The following L3MBTL1 variants were observed in gnomAD, a reference collection of about 807,000 sequenced individuals.
The protein encoded by L3MBTL1 is L3MBTL histone methyl-lysine binding protein 1.
In L3MBTL1, 75 loss-of-function variants were observed where a neutral mutation model predicts 105.3. The ratio of observed to expected loss-of-function variants is 0.71; its 90% CI spans 0.59 to 0.86. The LOEUF (loss-of-function observed/expected upper bound fraction) is 0.86, where lower values mean the gene tolerates loss of function less well. Ranked by LOEUF, L3MBTL1 falls within the 40% of genes least tolerant of loss-of-function variation. L3MBTL1 has a pLI of 0.00. For synonymous variants in L3MBTL1, 452 were observed against 436.2 expected (o/e 1.04, Z -0.45); for missense variants, 1,069 against 1,126.4 (o/e 0.95, Z 0.73).
At position 43,514,660 on chromosome 20, in the gene L3MBTL1, T is replaced by A. The variant is rs1428653395; in HGVS notation, c.386T>A (p.Leu129Gln). Residue 129 changes from leucine to glutamine, a missense_variant, in exon 4 of 22, where the codon CTG (leucine) becomes CAG (glutamine). Leu to Gln is a moderately radical substitution (Grantham distance 113). Transcript: ENST00000418998. Reference protein sequence around the residue: ...LRFRISEYKPLNMAGVEQPPS... With the variant: ...LRFRISEYKPQNMAGVEQPPS... ...TTCCGGATAAGCGAGTATAAGCCGC[T>A]GAACATGGCGGGAGTGGAGCAGCCC... 1.3e-6 allele frequency: 2 copies of A among 1,596,090 alleles called. No individual in the cohort carries two copies. The highest frequency in any genetic ancestry group is 2.7e-5 in the African/African-American group (2 of 74,814).
chr20:43,545,357 T>A (rs1467416881), downstream of L3MBTL1, among the ~76,000 whole-genome samples: 6 of 145,076 alleles, frequency 4.1e-5, no homozygotes, highest in Non-Finnish European at 6.0e-5. Context: ...AGAGCAAGAC[T>A]CAGTCTTAAA....
chr20:43,518,650 T>C (rs1284496413), intron 7 of L3MBTL1, among the ~76,000 whole-genome samples: 2 of 151,976 alleles, frequency 1.3e-5, no homozygotes, highest in African/African-American at 4.8e-5. Context: ...AAACCATGGA[T>C]AGTACTGAAC....
rs760921426 is a variant in L3MBTL1, at chr20:43,536,094, C to A, written c.1926-3C>A. The A allele has an allele frequency of 6.2e-7, 1 of 1,612,832 alleles. No individual in the cohort carries two copies. Among genetic ancestry groups the A allele is most frequent in the Admixed American group, 1.7e-5 (1 of 60,012 alleles). ...AACCCAACTGAAGTCTCTTCTTCCC[C>A]AGGAAGTGCCCCACTCCTGGTTGCG... On this transcript the variant is annotated splice_polypyrimidine_tract_variant and splice_region_variant and intron_variant, in intron 17 of 21. Coordinates refer to ENST00000418998, the MANE Select transcript of L3MBTL1 (RefSeq NM_001377303.1).
chr20:43,513,545 G>C lies in L3MBTL1; in HGVS notation c.42G>C (p.Lys14Asn). The C allele has an allele frequency of 6.4e-7, 1 of 1,550,788 alleles. No individual in the cohort carries two copies. Among genetic ancestry groups the C allele is most frequent in the Non-Finnish European group, 8.7e-7 (1 of 1,147,024 alleles). The change falls in exon 2 of 22, where the codon AAG becomes AAC. Residue 14 changes from lysine (K) to asparagine (N), a missense_variant. By Grantham distance (94) the Lys-to-Asn change is moderately conservative. Coordinates refer to ENST00000418998, the MANE Select transcript of L3MBTL1 (RefSeq NM_001377303.1). The part of the protein sequence containing the change: ...HAEMEMLRTL[K>N]GPSTGEVSMH... The stretch of plus-strand genomic sequence containing the variant: ...AAATGGAGATGCTGAGGACACTGAA[G>C]GGGCCTTCCACAGGGGAGGTCAGCA...
In L3MBTL1 at chr20:43,516,074, T is replaced by A; in HGVS notation, c.778-19T>A. 1 of 1,595,196 alleles carries A rather than the reference T, an allele frequency of 6.3e-7. No individual in the cohort carries two copies. The highest frequency in any genetic ancestry group is 8.6e-7 in the Non-Finnish European group (1 of 1,163,114). ...AAACCATGAGGAGAAGAAGCTGGGA[T>A]CAGGCTTGCCTTCTACAGGAGAAGC... On this transcript the variant is annotated intron_variant, in intron 6 of 21. Coordinates refer to ENST00000418998, the MANE Select transcript of L3MBTL1 (RefSeq NM_001377303.1).
chr20:43,517,597 C>A (rs1003013545), intron 7 of L3MBTL1, among the ~76,000 whole-genome samples: 3 of 152,072 alleles, frequency 2.0e-5, no homozygotes, highest in Admixed American at 6.6e-5. Flanking sequence ...TCATTTTATC[C>A]CTGGTGCTTA....
At position 43,536,465 on chromosome 20, in the gene L3MBTL1, C is replaced by T. The variant is rs1432983671; in HGVS notation, c.2173+7C>T. ...CCGCAGGAAGATTTCCAGAGTAAGT[C>T]TGGGTTATCTGCTCCTATGTCCTCC... On this transcript the variant is annotated splice_region_variant and intron_variant, in intron 19 of 21. Transcript: ENST00000418998. 5 of 1,613,866 alleles carry T rather than the reference C, an allele frequency of 3.1e-6. No homozygotes were observed.
intron 7 of L3MBTL1, among the ~76,000 whole-genome samples, chr20:43,525,061 T>G (rs1210738114): frequency 6.7e-6 from 1 of 148,660 alleles, no homozygotes; most frequent in Non-Finnish European, 1.5e-5. Flanking sequence ...TGGATATAGA[T>G]CCAAGAGATA....
At chr20:43,539,858 A>G in intron 19 of L3MBTL1, 1 of 511,390 alleles carries the variant, frequency 2.0e-6, no homozygotes, top group East Asian at 3.6e-5. Context: ...CAGCAGCTCC[A>G]AGAGAGTATC....
intron 10 of L3MBTL1, 101 bp from the exon 11 acceptor site, chr20:43,530,697 A>G: frequency 9.1e-7 from 1 of 1,096,548 alleles, no homozygotes; most frequent in Non-Finnish European, 1.4e-6. Flanking sequence ...GGTTGGGGGG[A>G]GGTCCTCAGG....
exon 19 of L3MBTL1, chr20:43,548,777 C>T (rs1978797627): frequency 6.6e-6 from 1 of 152,428 alleles, no homozygotes; most frequent in African/African-American, 2.4e-5. Flanking sequence ...GTTTCCTGGG[C>T]AGTGCCCCCA....
At chr20:43,514,490 T>C (rs1381815488) in intron 3 of L3MBTL1, 145 bp from the exon 4 acceptor site, 3 of 1,535,214 alleles carry the variant, frequency 2.0e-6, no homozygotes, top group African/African-American at 2.7e-5. Flanking sequence ...TGGTGTAGCT[T>C]GGAGTGAGGC....
At chr20:43,509,817 A>G (rs1274198734) in intron 1 of L3MBTL1, among the ~76,000 whole-genome samples, 1 of 152,204 alleles carries the variant, frequency 6.6e-6, no homozygotes, top group Non-Finnish European at 1.5e-5. Flanking sequence ...AGAAGTAACC[A>G]CATTCACTCT....
chr20:43,510,813 G>T (rs893165201), intron 1 of L3MBTL1, among the ~76,000 whole-genome samples: 1 of 151,926 alleles, frequency 6.6e-6, no homozygotes, highest in Non-Finnish European at 1.5e-5. Flanking sequence ...GACCTCCCGG[G>T]CTCAAGCAAT....
In L3MBTL1 at chr20:43,513,977, C is replaced by T. The variant is rs1250609999; in HGVS notation, c.276C>T (p.Ala92=). ...CCACCGTCCTGCCGCAGCTTAGCGC[C>T]GGGCCGGCCAGCTCCAGCACCAGCA... The part of the protein sequence containing the change: ...VSATVLPQLS[A]GPASSSTSTV... Residue 92 remains alanine (A), a synonymous_variant, in exon 3 of 22, where the codon GCC becomes GCT. Coordinates refer to ENST00000418998, the MANE Select transcript of L3MBTL1 (RefSeq NM_001377303.1). 4 of 1,546,782 alleles carry T rather than the reference C, an allele frequency of 2.6e-6. No individual in the cohort carries two copies. Among genetic ancestry groups the T allele is most frequent in the South Asian group, 1.2e-5 (1 of 84,050 alleles).
At chr20:43,519,951 C>A (rs978311994) in intron 7 of L3MBTL1, among the ~76,000 whole-genome samples, 1 of 152,104 alleles carries the variant, frequency 6.6e-6, no homozygotes, top group South Asian at 2.1e-4. Flanking sequence ...ATTCACACAC[C>A]ATACAATTCA....
chr20:43,515,544 T>C, intron 6 of L3MBTL1, 129 bp downstream of exon 6: 2 of 1,288,700 alleles, frequency 1.6e-6, no homozygotes, highest in Non-Finnish European at 2.1e-6. Context: ...ACTCATCATA[T>C]TTTGGGGTCC....
chr20:43,541,336 C>G lies in L3MBTL1; in HGVS notation c.*208C>G. 2.2e-6 allele frequency: 2 copies of G among 923,306 alleles called. No homozygotes were observed. The highest frequency in any genetic ancestry group is 3.1e-6 in the Non-Finnish European group (2 of 645,546). The allele number at this position is 923,306 out of a possible 1,614,324, so 57.2% of individuals were successfully genotyped here. ...TCTGTCAATTTGAGCTGTTTACTGTCTCTGAGCCTACATCTTCTTGTCTGT... is the reference window on the plus strand; with the variant it reads ...TCTGTCAATTTGAGCTGTTTACTGTGTCTGAGCCTACATCTTCTTGTCTGT... On this transcript the variant is annotated 3_prime_UTR_variant, in exon 22 of 22. Transcript: ENST00000418998.
intron 7 of L3MBTL1, among the ~76,000 whole-genome samples, chr20:43,528,370 CTT>C (rs2019141901): frequency 6.6e-6 from 1 of 152,192 alleles, no homozygotes; most frequent in South Asian, 2.1e-4. Flanking sequence ...GTGGCTGAGA[CTT>C]TGTAACTTCA....
Sources: gnomAD v4.1 joint callset for allele counts (sites outside exome capture counted in the v4.1 genomes callset) on GRCh38, gnomAD v4.1.1 for gene constraint, MANE v1.5 for transcripts, NCBI Gene and HGNC (gene_info 2026-07-23, HGNC 2026-07-21) for gene names.